Variants in ARHGAP24 observed in about 807,000 individuals in gnomAD.
ARHGAP24 encodes Rho GTPase activating protein 24.
In ARHGAP24, 50 loss-of-function variants were observed where a neutral mutation model predicts 76.4. The observed-to-expected ratio is 0.65, with a 90% confidence interval of 0.52 to 0.83. The LOEUF (loss-of-function observed/expected upper bound fraction) is 0.83, where lower values mean the gene tolerates loss of function less well. ARHGAP24 is among the 40% of genes least tolerant of loss of function. The pLI is 0.00. For missense variants in ARHGAP24, 930 were observed against 914.2 expected (o/e 1.02, Z -0.22); for synonymous variants, 345 against 323.3 (o/e 1.07, Z -0.72).
At chr4:85,653,128 G>A (rs1485120073) in intron 2 of ARHGAP24, among the ~76,000 whole-genome samples, 2 of 152,158 alleles carry the variant, frequency 1.3e-5, no homozygotes, top group African/African-American at 4.8e-5. Context: ...ACAAGGTACA[G>A]TCAGATACAA....
rs183770125 is a variant in ARHGAP24 at position 85,685,006 on chromosome 4, T to C, written c.181-36879T>C. On this transcript the variant is annotated intron_variant, in intron 2 of 9. Coordinates refer to ENST00000395184, the MANE Select transcript of ARHGAP24 (RefSeq NM_001025616.3). ...GGCAATTTTGTATTTTGTGATCTTG[T>C]GTTTTCTGGAGAAACTAGGAATAAG... Among the ~76,000 whole-genome samples the C allele has an allele frequency of 1.5e-3, 222 of 152,320 alleles. 3 individuals carry two copies. The highest frequency in any genetic ancestry group is 6.8e-3 in the Middle Eastern group (2 of 294).
chr4:85,806,518 A>G (rs1350856859), intron 3 of ARHGAP24, among the ~76,000 whole-genome samples: 1 of 152,206 alleles, frequency 6.6e-6, no homozygotes, highest in Non-Finnish European at 1.5e-5. Context: ...CAGTCTGCAC[A>G]TGCTAGAAGA....
At chr4:85,533,226 G>A (rs73832786) in intron 1 of ARHGAP24, among the ~76,000 whole-genome samples, 8,208 of 152,152 alleles carry the variant, frequency 0.054, 710 homozygotes, top group African/African-American at 0.18. Context: ...AAAAACCTCT[G>A]TATAAACTTT....
At chr4:85,492,106 T>C (rs1032291302) in intron 1 of ARHGAP24, among the ~76,000 whole-genome samples, 2 of 151,388 alleles carry the variant, frequency 1.3e-5, no homozygotes, top group African/African-American at 4.9e-5. Flanking sequence ...TTCCCTCCCT[T>C]CCTTCCTTCT....
intron 1 of ARHGAP24, among the ~76,000 whole-genome samples, chr4:85,534,694 T>C (rs1725396973): frequency 6.6e-6 from 1 of 152,208 alleles, no homozygotes; most frequent in Non-Finnish European, 1.5e-5. Flanking sequence ...GTTCTAATTC[T>C]TACCTGTGCA....
chr4:85,908,926 C>T (rs907642357), intron 3 of ARHGAP24, among the ~76,000 whole-genome samples: 1 of 151,870 alleles, frequency 6.6e-6, no homozygotes, highest in Non-Finnish European at 1.5e-5. Flanking sequence ...TGTAAACCAT[C>T]AAGGGTCATC....
At chr4:85,590,906 AT>A (rs1238659586) in intron 2 of ARHGAP24, among the ~76,000 whole-genome samples, 23 of 152,270 alleles carry the variant, frequency 1.5e-4, no homozygotes, top group African/African-American at 4.8e-4. Context: ...CAGGAAAAAA[AT>A]AAAGAGTAGT....
intron 2 of ARHGAP24, among the ~76,000 whole-genome samples, chr4:85,673,966 C>T (rs1405484839): frequency 6.6e-6 from 1 of 151,754 alleles, no homozygotes; most frequent in Non-Finnish European, 1.5e-5. Context: ...GAAATCTGCA[C>T]TGGTAGAAAA....
At chr4:85,726,586 G>C (rs1017464019) in intron 3 of ARHGAP24, among the ~76,000 whole-genome samples, 6 of 152,118 alleles carry the variant, frequency 3.9e-5, no homozygotes, top group Non-Finnish European at 7.4e-5. Context: ...ATAAACTTGG[G>C]TGAAGCTGTT....
At position 85,640,324 on chromosome 4, in the gene ARHGAP24, C is replaced by T. The variant is rs535760706; in HGVS notation, c.180+69603C>T. 9.2e-5 allele frequency among the ~76,000 whole-genome samples: 14 copies of T among 152,270 alleles called. No homozygotes were observed. In the South Asian group the frequency reaches 2.9e-3, roughly 32 times the overall value. ...AAATCATAATAAAGACTTTCACCCA[C>T]CTTTCCATCTGCTCTCTCCATGCCA... is the stretch of plus-strand genomic sequence containing the variant. On this transcript the variant is annotated intron_variant, in intron 2 of 9. Transcript: ENST00000395184.
At chr4:85,703,359 A>T (rs898062934) in intron 2 of ARHGAP24, among the ~76,000 whole-genome samples, 1 of 152,186 alleles carries the variant, frequency 6.6e-6, no homozygotes, top group Non-Finnish European at 1.5e-5. Flanking sequence ...CTAGACACCC[A>T]GTAAGGATGA....
chr4:85,651,409 A>G (rs1721938990), intron 2 of ARHGAP24, among the ~76,000 whole-genome samples: 1 of 149,148 alleles, frequency 6.7e-6, no homozygotes, highest in Non-Finnish European at 1.5e-5. Context: ...GAACCTATTG[A>G]TGGTTTAGAT....
At chr4:85,502,944 T>C (rs1392998301) in intron 1 of ARHGAP24, among the ~76,000 whole-genome samples, 1 of 152,250 alleles carries the variant, frequency 6.6e-6, no homozygotes, top group Non-Finnish European at 1.5e-5. Context: ...TTGAATTTTG[T>C]TGAAGGCCTT....
chr4:85,595,377 A>C (rs1172562381), intron 2 of ARHGAP24, among the ~76,000 whole-genome samples: 5 of 152,112 alleles, frequency 3.3e-5, no homozygotes, highest in Non-Finnish European at 5.9e-5. Context: ...AACTATAAAC[A>C]AGTCAGGTGG....
At chr4:85,832,226 C>T (rs142229317) in intron 3 of ARHGAP24, among the ~76,000 whole-genome samples, 3 of 152,198 alleles carry the variant, frequency 2.0e-5, no homozygotes, top group Non-Finnish European at 2.9e-5. Context: ...TTGTATAATT[C>T]CGGTGGTCTC....
At chr4:85,661,482 T>A (rs991856206) in intron 2 of ARHGAP24, among the ~76,000 whole-genome samples, 1 of 152,162 alleles carries the variant, frequency 6.6e-6, no homozygotes, top group Non-Finnish European at 1.5e-5. Context: ...ATGTGAAAGT[T>A]TTATTTAAGT....
At chr4:85,611,249 T>TA (rs1235482447) in intron 2 of ARHGAP24, among the ~76,000 whole-genome samples, 2 of 152,150 alleles carry the variant, frequency 1.3e-5, no homozygotes. Context: ...TTTTATATTA[T>TA]AAAAAAACCT....
At chr4:85,832,686 G>A (rs563167409) in intron 3 of ARHGAP24, among the ~76,000 whole-genome samples, 5 of 152,100 alleles carry the variant, frequency 3.3e-5, no homozygotes, top group Admixed American at 1.3e-4. Context: ...AGTAGGTACC[G>A]GTACAACTAT....
intron 3 of ARHGAP24, among the ~76,000 whole-genome samples, chr4:85,726,383 T>C (rs1473151961): frequency 6.6e-6 from 1 of 152,140 alleles, no homozygotes; most frequent in Non-Finnish European, 1.5e-5. Context: ...TCCGAAGATA[T>C]TTTTTCTGCA....
Sources: gnomAD v4.1 joint callset for allele counts (sites outside exome capture counted in the v4.1 genomes callset) on GRCh38, gnomAD v4.1.1 for gene constraint, MANE v1.5 for transcripts, NCBI Gene and HGNC (gene_info 2026-07-23, HGNC 2026-07-21) for gene names.